Variants in ZCCHC14 observed in about 807,000 individuals in gnomAD.
The protein encoded by ZCCHC14 is zinc finger CCHC domain-containing protein 14.
A neutral mutation model predicts 85.0 loss-of-function variants in ZCCHC14; 16 were observed. The observed-to-expected ratio is 0.19, with a 90% CI of 0.13 to 0.29. The LOEUF (loss-of-function observed/expected upper bound fraction) is 0.29, where lower values mean the gene tolerates loss of function less well. Ranked by LOEUF, ZCCHC14 falls within the 10% of genes least tolerant of loss-of-function variation. The pLI is 1.00. For synonymous variants in ZCCHC14, 775 were observed against 630.7 expected, an observed-to-expected ratio of 1.23 and a Z score of -3.43; for missense variants, 1,303 against 1,443.5, an observed-to-expected ratio of 0.90 and a Z score of 1.58.
intron 2 of ZCCHC14, among the ~76,000 whole-genome samples, chr16:87,453,539 C>T (rs1286440093): frequency 6.6e-6 from 1 of 152,230 alleles, no homozygotes; most frequent in African/African-American, 2.4e-5. Context: ...AGCCCAGGCT[C>T]TGCACGTGCC....
chr16:87,448,583 T>C (rs1352897922), intron 2 of ZCCHC14, among the ~76,000 whole-genome samples: 2 of 152,190 alleles, frequency 1.3e-5, no homozygotes, highest in Non-Finnish European at 1.5e-5. Flanking sequence ...CCTTCTACCT[T>C]GTATCTCCAC....
In ZCCHC14 at chr16:87,492,476, G is replaced by C. The variant is rs1024359788; in HGVS notation, c.-238C>G. The C allele has an allele frequency of 4.4e-4, 64 of 144,936 alleles. No individual in the cohort carries two copies. The highest frequency in any genetic ancestry group is 1.5e-3 in the African/African-American group (59 of 40,614). The allele number at this position is 144,936 out of a possible 1,614,324, so 9.0% of individuals were successfully genotyped here. A position where few individuals can be genotyped will look rare whatever the true frequency, so the allele number is the denominator to read the frequency against. ...CGGGCGCGCGCGGGGCGCCGGGGGG[G>C]CCCGGGGCGGCCGGGGCGGCCGGGG... On this transcript the variant is annotated 5_prime_UTR_variant, in exon 1 of 13. Transcript: ENST00000671377. The surrounding 1 kb of genome is among the most constrained non-coding windows in gnomAD (Gnocchi z 6.7).
At chr16:87,489,510 C>G (rs1248593799) in intron 1 of ZCCHC14, among the ~76,000 whole-genome samples, 1 of 152,238 alleles carries the variant, frequency 6.6e-6, no homozygotes, top group Non-Finnish European at 1.5e-5. Context: ...GCAGCATTTA[C>G]TGCACCTCTG....
chr16:87,410,378 G>T, intron 12 of ZCCHC14, 43 bp from the exon 13 acceptor site: 1 of 757,678 alleles, frequency 1.3e-6, no homozygotes, highest in Non-Finnish European at 2.4e-6. Flanking sequence ...AATGACTGTA[G>T]AATCACCACC....
intron 2 of ZCCHC14, among the ~76,000 whole-genome samples, chr16:87,456,974 G>C (rs948237576): frequency 6.6e-6 from 1 of 152,248 alleles, no homozygotes; most frequent in East Asian, 1.9e-4. Context: ...TTTGTTGAGA[G>C]TATTAGTAAA....
chr16:87,489,160 C>G (rs1253849785), intron 1 of ZCCHC14, among the ~76,000 whole-genome samples: 1 of 152,182 alleles, frequency 6.6e-6, no homozygotes. Flanking sequence ...GAAGCAGCAA[C>G]AGAAACGAAA....
At chr16:87,478,356 G>A (rs188858916) in intron 1 of ZCCHC14, among the ~76,000 whole-genome samples, 1 of 152,202 alleles carries the variant, frequency 6.6e-6, no homozygotes, top group Non-Finnish European at 1.5e-5. Flanking sequence ...AGGCGAAACT[G>A]ATCAGTGGTG....
intron 1 of ZCCHC14, among the ~76,000 whole-genome samples, chr16:87,468,053 T>C (rs1911609707): frequency 6.6e-6 from 1 of 152,214 alleles, no homozygotes; most frequent in Non-Finnish European, 1.5e-5. Flanking sequence ...TTTTTTCTAA[T>C]GGCTATTTCA....
intron 2 of ZCCHC14, among the ~76,000 whole-genome samples, chr16:87,457,881 T>C (rs1911050401): frequency 1.3e-5 from 2 of 152,134 alleles, no homozygotes; most frequent in Non-Finnish European, 2.9e-5. Flanking sequence ...CTATGACTAA[T>C]GAATGGAGAA....
At chr16:87,445,073 T>C (rs1380918543) in intron 2 of ZCCHC14, among the ~76,000 whole-genome samples, 6 of 149,438 alleles carry the variant, frequency 4.0e-5, no homozygotes, top group Non-Finnish European at 7.5e-5. Context: ...AAATAAACTT[T>C]TTTTTTTTTT....
chr16:87,476,259 G>T (rs759719443), intron 1 of ZCCHC14, among the ~76,000 whole-genome samples: 3 of 152,196 alleles, frequency 2.0e-5, no homozygotes, highest in Admixed American at 6.5e-5. Flanking sequence ...TAACAAACTG[G>T]ATCGGTAAGG....
chr16:87,423,831 T>G lies in ZCCHC14; in HGVS notation c.819A>C (p.Glu273Asp), dbSNP rs1319585389. The change falls in exon 4 of 13, where the codon GAA becomes GAC. Residue 273 changes from glutamate to aspartate, a missense_variant. Coordinates refer to ENST00000671377, the MANE Select transcript of ZCCHC14 (RefSeq NM_015144.3). ...TTACCTTTGAAATAAATTCCGTCAC[T>G]TCAGAGGAAGATTTGGTTACTGATG... ...SITSVTKSSS[E>D]VTEFISKLCQ... 6 of 1,614,048 alleles carry G rather than the reference T, an allele frequency of 3.7e-6. No individual in the cohort carries two copies. The African/African-American group carries it at 4.0e-5, about 11-fold the overall frequency.
intron 2 of ZCCHC14, among the ~76,000 whole-genome samples, chr16:87,447,775 C>A (rs1290748935): frequency 6.6e-6 from 1 of 152,174 alleles, no homozygotes; most frequent in Non-Finnish European, 1.5e-5. Context: ...TAAGAAATGC[C>A]AAATTGTTTT....
intron 2 of ZCCHC14, among the ~76,000 whole-genome samples, chr16:87,453,102 C>A (rs1276402673): frequency 6.6e-6 from 1 of 152,222 alleles, no homozygotes; most frequent in Non-Finnish European, 1.5e-5. Flanking sequence ...GAAGATGGAA[C>A]GCTGACCTGT....
intron 1 of ZCCHC14, among the ~76,000 whole-genome samples, chr16:87,490,627 A>G (rs1162387257): frequency 6.6e-6 from 1 of 152,090 alleles, no homozygotes; most frequent in East Asian, 1.9e-4. Context: ...CTAACCTAAC[A>G]TTCCTTAAGG....
intron 2 of ZCCHC14, among the ~76,000 whole-genome samples, chr16:87,450,952 G>C (rs527279451): frequency 1.3e-5 from 2 of 152,124 alleles, no homozygotes; most frequent in African/African-American, 4.8e-5. Context: ...AAGCTGGAGC[G>C]TAATGGCACG....
chr16:87,484,277 G>A (rs898381063), intron 1 of ZCCHC14, among the ~76,000 whole-genome samples: 20 of 152,220 alleles, frequency 1.3e-4, no homozygotes, highest in African/African-American at 4.3e-4. Flanking sequence ...CCATCTGTGG[G>A]AGAAGGGACT....
chr16:87,412,008 G>A lies in ZCCHC14; in HGVS notation c.2713C>T (p.His905Tyr). The change falls in exon 12 of 13, where the codon CAC (histidine) becomes TAC (tyrosine). Residue 905 changes from histidine (H) to tyrosine (Y), a missense_variant. Coordinates refer to ENST00000671377, the MANE Select transcript of ZCCHC14 (RefSeq NM_015144.3). ...ASNPNHHHHHHHQQPPAPPQP... is the reference protein window; with the variant it reads ...ASNPNHHHHHYHQQPPAPPQP... ...GGGGGTGCCGGGGGCTGCTGATGGT[G>A]GTGGTGGTGGTGGTGGTTCGGATTC... 6.2e-7 allele frequency: 1 copy of A among 1,608,912 alleles called. No individual in the cohort carries two copies. The highest frequency in any genetic ancestry group is 8.5e-7 in the Non-Finnish European group (1 of 1,179,598).
chr16:87,476,863 G>A (rs151336400), intron 1 of ZCCHC14, among the ~76,000 whole-genome samples: 4 of 151,944 alleles, frequency 2.6e-5, no homozygotes, highest in Non-Finnish European at 4.4e-5. Context: ...GCGGTGGCTC[G>A]TGCCTGTAAT....
Sources: gnomAD v4.1 joint callset for allele counts (sites outside exome capture counted in the v4.1 genomes callset) on GRCh38, gnomAD v4.1.1 for gene constraint, Gnocchi (gnomAD v3.1) non-coding constraint, MANE v1.5 for transcripts, NCBI Gene and HGNC (gene_info 2026-07-23, HGNC 2026-07-21) for gene names.